CLTA: variants seen among roughly 807,000 people sequenced by gnomAD.
The protein encoded by CLTA is clathrin, light polypeptide (Lca).
In CLTA, 9 loss-of-function variants were observed where a neutral mutation model predicts 26.9. The observed-to-expected ratio is 0.33, with a 90% CI of 0.20 to 0.58. The LOEUF (loss-of-function observed/expected upper bound fraction) is 0.58, where lower values mean the gene tolerates loss of function less well. Among genes scored for constraint, CLTA ranks in the 20% least tolerant of loss-of-function variants. The pLI, the probability that CLTA is intolerant of heterozygous loss-of-function variation, is 0.85. For synonymous variants in CLTA, 120 were observed against 115.5 expected, an observed-to-expected ratio of 1.04 and a Z score of -0.25; for missense variants, 278 against 294.2, an observed-to-expected ratio of 0.94 and a Z score of 0.40.
chr9:36,199,360 T>A (rs192098223), intron 3 of CLTA, among the ~76,000 whole-genome samples: 2 of 152,282 alleles, frequency 1.3e-5, no homozygotes, highest in East Asian at 3.9e-4. Context: ...AAGAGTAGCC[T>A]CAGGTGGTGT....
At chr9:36,204,329 C>A in intron 4 of CLTA, 150 bp downstream of exon 4, 1 of 819,326 alleles carries the variant, frequency 1.2e-6, no homozygotes. Flanking sequence ...TTGCAAGTCT[C>A]TCGGGTCTTG....
chr9:36,195,037 A>G (rs1826940314), intron 1 of CLTA, among the ~76,000 whole-genome samples: 1 of 152,236 alleles, frequency 6.6e-6, no homozygotes. Flanking sequence ...GCTGGACTAT[A>G]TTAGTGGATA....
intron 2 of CLTA, 104 bp from the exon 3 acceptor site, chr9:36,198,875 A>C (rs981694870): frequency 3.0e-5 from 5 of 168,598 alleles, no homozygotes; most frequent in Admixed American, 1.6e-4. Context: ...ACTCTGTCTC[A>C]AAAAAAAAAA....
chr9:36,198,567 C>G (rs1030685741), intron 2 of CLTA, among the ~76,000 whole-genome samples: 10 of 151,798 alleles, frequency 6.6e-5, no homozygotes, highest in Non-Finnish European at 1.5e-4. Context: ...ATCCCAGCTA[C>G]TGGGGAGGCT....
intron 1 of CLTA, among the ~76,000 whole-genome samples, chr9:36,195,536 CA>C (rs978387269): frequency 5.3e-5 from 8 of 151,624 alleles, no homozygotes; most frequent in African/African-American, 1.9e-4. Flanking sequence ...ATCAAATTAG[CA>C]AAAATTTTAA....
intron 3 of CLTA, among the ~76,000 whole-genome samples, chr9:36,199,613 G>A (rs947890425): frequency 3.9e-5 from 5 of 127,746 alleles, no homozygotes; most frequent in Admixed American, 7.3e-5. Flanking sequence ...ACTACGTCCC[G>A]CTCATTTTTT....
chr9:36,195,825 G>T (rs1379546697), intron 1 of CLTA, among the ~76,000 whole-genome samples: 1 of 151,924 alleles, frequency 6.6e-6, no homozygotes, highest in Non-Finnish European at 1.5e-5. Flanking sequence ...AAAATTAGCC[G>T]GGCATGGTGG....
At chr9:36,194,106 A>G (rs939015039) in intron 1 of CLTA, among the ~76,000 whole-genome samples, 37 of 152,034 alleles carry the variant, frequency 2.4e-4, no homozygotes, top group African/African-American at 8.2e-4. Context: ...GTTCACTGCA[A>G]CCTCCGCCTC....
Position 36,191,163 on chromosome 9 carries a change from T to G in CLTA, c.107T>G (p.Leu36Trp). ...AGEEDPAAAF[L>W]AQQESEIAGI... ...GAAGAAGACCCGGCTGCGGCCTTCT[T>G]GGCGCAGCAAGAGAGCGAGATTGCG... The change falls in exon 1 of 5, where the codon TTG (leucine) becomes TGG (tryptophan). Residue 36 changes from leucine to tryptophan, a missense_variant. Physicochemically the swap from Leu to Trp is moderately conservative, Grantham distance 61. Transcript: ENST00000345519. The G allele has an allele frequency of 1.9e-6, 3 of 1,597,666 alleles. No homozygotes were observed. Among genetic ancestry groups the G allele is most frequent in the Non-Finnish European group, 2.6e-6 (3 of 1,174,448 alleles).
At chr9:36,195,324 AC>A (rs1258539031) in intron 1 of CLTA, among the ~76,000 whole-genome samples, 2 of 152,242 alleles carry the variant, frequency 1.3e-5, no homozygotes, top group African/African-American at 4.8e-5. Context: ...AGTGTTAAAT[AC>A]CATAAACCAA....
intron 3 of CLTA, among the ~76,000 whole-genome samples, chr9:36,202,909 C>T (rs1453421608): frequency 6.6e-6 from 1 of 151,676 alleles, no homozygotes; most frequent in Non-Finnish European, 1.5e-5. Context: ...GCAACCTCTG[C>T]CTCCCAGATT....
Position 36,208,736 on chromosome 9 carries a change from G to A in CLTA, c.486-2867G>A, listed in dbSNP as rs913037225. 4.6e-5 allele frequency among the ~76,000 whole-genome samples: 7 copies of A among 152,186 alleles called. No individual in the cohort carries two copies. In the South Asian group the frequency reaches 1.4e-3, roughly 32 times the overall value. On this transcript the variant is annotated intron_variant, in intron 4 of 4. Coordinates refer to ENST00000345519, the MANE Select transcript of CLTA (RefSeq NM_001833.4). ...GCATTAACTGAAACAGGAAGGTGGC[G>A]TGGCTTTCTGGGCACATACAGCAGG...
intron 4 of CLTA, chr9:36,210,688 A>C: frequency 6.2e-7 from 1 of 1,613,748 alleles, no homozygotes; most frequent in Non-Finnish European, 8.5e-7. Context: ...CACTGCCCCT[A>C]ACTGTGTGTG....
chr9:36,197,482 T>C (rs1827123622), intron 1 of CLTA, 69 bp from the exon 2 acceptor site: 2 of 1,055,794 alleles, frequency 1.9e-6, no homozygotes, highest in South Asian at 2.6e-5. Context: ...TGCTGTATTC[T>C]ACTGTACAAC....
chr9:36,194,883 GTAAC>G (rs1395812182), intron 1 of CLTA, among the ~76,000 whole-genome samples: 6 of 152,232 alleles, frequency 3.9e-5, no homozygotes, highest in Non-Finnish European at 8.8e-5. Flanking sequence ...CAGTAATACA[GTAAC>G]TAATAAAGAG....
At chr9:36,197,232 T>C (rs1157629115) in intron 1 of CLTA, among the ~76,000 whole-genome samples, 3 of 152,150 alleles carry the variant, frequency 2.0e-5, no homozygotes, top group African/African-American at 4.8e-5. Context: ...CTTTTTTTTT[T>C]CCCTCATGCA....
At chr9:36,207,805 C>G (rs866816087) in intron 4 of CLTA, among the ~76,000 whole-genome samples, 1 of 152,192 alleles carries the variant, frequency 6.6e-6, no homozygotes, top group Non-Finnish European at 1.5e-5. Context: ...AACCTCTACT[C>G]TTCTTGTGGA....
rs773671483 is a variant in CLTA at position 36,191,267 on chromosome 9, G to C, written c.211G>C (p.Gly71Arg). The C allele has an allele frequency of 1.3e-6, 2 of 1,523,534 alleles. No homozygotes were observed. The highest frequency in any genetic ancestry group is 1.8e-6 in the Non-Finnish European group (2 of 1,140,786). 94.4% of individuals were successfully genotyped at this position (1,523,534 alleles called of 1,614,324 possible). Reference protein sequence around the residue: ...GPQPHGEPPGGPDAVDGVMNG... With the variant: ...GPQPHGEPPGRPDAVDGVMNG... ...CCAGCCGCACGGCGAGCCGCCGGGG[G>C]GTCCGGGTGAGAGTGCGGGCGCGTT... The change falls in exon 1 of 5, where the codon GGT (glycine) becomes CGT (arginine). Residue 71 changes from glycine to arginine, a missense_variant. Gly to Arg is a moderately radical substitution (Grantham distance 125). Coordinates refer to ENST00000345519, the MANE Select transcript of CLTA (RefSeq NM_001833.4).
intron 4 of CLTA, chr9:36,209,343 T>G: frequency 6.6e-7 from 1 of 1,511,322 alleles, no homozygotes; most frequent in Non-Finnish European, 9.2e-7. Flanking sequence ...ACTAATTCCT[T>G]TTTCTACATC....
Sources: allele counts gnomAD v4.1 joint callset (sites outside exome capture counted in the v4.1 genomes callset), GRCh38; gene constraint gnomAD v4.1.1; transcripts MANE v1.5; gene names NCBI Gene and HGNC (gene_info 2026-07-23, HGNC 2026-07-21).